Variants in RALYL observed in about 807,000 individuals in gnomAD.
The protein encoded by RALYL is RALY RNA binding protein like, also known as RNA-binding Raly-like protein.
RALYL carries 29 observed loss-of-function variants against 35.1 expected under a neutral mutation model. That is an observed-to-expected ratio of 0.83 (90% CI 0.61 to 1.13). The LOEUF is 1.13. Ranked by LOEUF, RALYL falls within the 50% of genes most tolerant of loss-of-function variation. The pLI is 0.00. For missense variants in RALYL, 359 were observed against 360.4 expected (o/e 1.00, Z 0.03); for synonymous variants, 120 against 127.6 (o/e 0.94, Z 0.40).
intron 1 of RALYL, among the ~76,000 whole-genome samples, chr8:84,515,701 C>A (rs1201650654): frequency 6.6e-6 from 1 of 151,138 alleles, no homozygotes; most frequent in Non-Finnish European, 1.5e-5. Flanking sequence ...ATGTATAGTA[C>A]AAAAAAAATT....
At chr8:84,372,895 T>TTTG (rs1484872815) in intron 1 of RALYL, among the ~76,000 whole-genome samples, 2 of 125,950 alleles carry the variant, frequency 1.6e-5, no homozygotes, top group African/African-American at 6.1e-5. Context: ...TGTTTTTTTT[T>TTTG]TTTTTTTTTT....
intron 2 of RALYL, among the ~76,000 whole-genome samples, chr8:84,736,862 C>T (rs1847401796): frequency 6.6e-6 from 1 of 151,970 alleles, no homozygotes. Context: ...ACCCCTTCAC[C>T]TATTCCTAGT....
intron 1 of RALYL, among the ~76,000 whole-genome samples, chr8:84,292,796 A>G (rs1284192409): frequency 1.3e-5 from 2 of 152,334 alleles, no homozygotes; most frequent in Middle Eastern, 3.4e-3. Flanking sequence ...ATAAATAACC[A>G]TAAAAATGGG....
intron 1 of RALYL, among the ~76,000 whole-genome samples, chr8:84,390,837 T>C (rs975349534): frequency 6.6e-6 from 1 of 151,962 alleles, no homozygotes; most frequent in Non-Finnish European, 1.5e-5. Context: ...CCCAGTCCAC[T>C]GTCTCCTCTC....
rs556624140 is a variant in RALYL, at chr8:84,569,270, A to G, written c.256+39693A>G. Among the ~76,000 whole-genome samples the G allele has an allele frequency of 2.0e-5, 3 of 152,094 alleles. No homozygotes were observed. The South Asian group carries it at 6.2e-4, about 32-fold the overall frequency. Reference sequence around the variant, plus strand: ...CAGTTTCAGCTTTCTACATATGGCTAGCCAGTTTTCCCAGCACCATTTATT... The same window carrying G: ...CAGTTTCAGCTTTCTACATATGGCTGGCCAGTTTTCCCAGCACCATTTATT... On this transcript the variant is annotated intron_variant, in intron 2 of 8. Transcript: ENST00000521268.
chr8:84,470,106 C>T (rs956245040), intron 1 of RALYL, among the ~76,000 whole-genome samples: 6 of 152,180 alleles, frequency 3.9e-5, no homozygotes, highest in Admixed American at 2.0e-4. Flanking sequence ...TCTTCTGCGT[C>T]GCTCACGCTG....
chr8:84,733,437 C>T (rs193192298), intron 2 of RALYL, among the ~76,000 whole-genome samples: 1 of 152,202 alleles, frequency 6.6e-6, no homozygotes, highest in Non-Finnish European at 1.5e-5. Flanking sequence ...ATCCATCTAC[C>T]TCATCAAGGA....
chr8:84,193,779 C>T (rs974825549), intron 1 of RALYL, among the ~76,000 whole-genome samples: 5 of 152,164 alleles, frequency 3.3e-5, no homozygotes, highest in Admixed American at 6.5e-5. Flanking sequence ...TCTAGGAACA[C>T]TTAGCCTGTA....
At chr8:84,305,767 C>T (rs1371758975) in intron 1 of RALYL, among the ~76,000 whole-genome samples, 2 of 152,130 alleles carry the variant, frequency 1.3e-5, no homozygotes, top group African/African-American at 2.4e-5. Flanking sequence ...GTTGCATAGT[C>T]TCCGCTACTG....
intron 2 of RALYL, among the ~76,000 whole-genome samples, chr8:84,649,642 C>T (rs944142195): frequency 2.0e-5 from 3 of 151,922 alleles, no homozygotes; most frequent in African/African-American, 7.3e-5. Flanking sequence ...TGATCTATAT[C>T]TCTGTTTTGG....
chr8:84,370,152 G>C lies in RALYL; in HGVS notation c.-23-159147G>C, dbSNP rs367737098. On this transcript the variant is annotated intron_variant, in intron 1 of 8. Coordinates refer to ENST00000521268, the MANE Select transcript of RALYL (RefSeq NM_173848.7). ...GGGCAGGTATACAATTTTTGTTCTA[G>C]GATGTATTAAAATAACCAGTATTTC... Among the ~76,000 whole-genome samples, 23 of 152,078 alleles carry C rather than the reference G, an allele frequency of 1.5e-4. No homozygotes were observed. In the South Asian group the frequency reaches 3.3e-3, roughly 22 times the overall value.
At chr8:84,744,949 A>G (rs1397724750) in intron 2 of RALYL, among the ~76,000 whole-genome samples, 1 of 152,002 alleles carries the variant, frequency 6.6e-6, no homozygotes, top group East Asian at 1.9e-4. Context: ...TAAATAGCAT[A>G]AATTTTCAGT....
chr8:84,571,688 T>G (rs2135792460), intron 2 of RALYL, among the ~76,000 whole-genome samples: 1 of 151,986 alleles, frequency 6.6e-6, no homozygotes, highest in Middle Eastern at 3.4e-3. Context: ...TTCCAGTTTC[T>G]TAAGGTGTGA....
intron 1 of RALYL, among the ~76,000 whole-genome samples, chr8:84,335,680 T>G (rs2130787925): frequency 6.6e-6 from 1 of 151,518 alleles, no homozygotes; most frequent in Middle Eastern, 3.4e-3. Context: ...AAGAGTGGTT[T>G]AATATTTCTA....
chr8:84,732,286 G>T (rs1389219901), intron 2 of RALYL, among the ~76,000 whole-genome samples: 1 of 152,064 alleles, frequency 6.6e-6, no homozygotes, highest in Non-Finnish European at 1.5e-5. Context: ...TTTGTTGAAT[G>T]AACCATGAAT....
At chr8:84,600,044 CG>C (rs1815553852) in intron 2 of RALYL, among the ~76,000 whole-genome samples, 1 of 151,346 alleles carries the variant, frequency 6.6e-6, no homozygotes, top group Non-Finnish European at 1.5e-5. Context: ...CCAGACTGAT[CG>C]GTAATATCCT....
intron 1 of RALYL, among the ~76,000 whole-genome samples, chr8:84,400,427 C>T (rs1187266841): frequency 2.0e-5 from 3 of 152,038 alleles, no homozygotes; most frequent in Non-Finnish European, 4.4e-5. Context: ...TCAGCCTGTG[C>T]TGGAATTGCA....
chr8:84,335,250 A>G (rs1847560871), intron 1 of RALYL, among the ~76,000 whole-genome samples: 1 of 152,054 alleles, frequency 6.6e-6, no homozygotes, highest in Non-Finnish European at 1.5e-5. Flanking sequence ...CTCTTACGAC[A>G]TATTCTCAGC....
chr8:84,571,059 G>A (rs1807851462), intron 2 of RALYL, among the ~76,000 whole-genome samples: 1 of 151,466 alleles, frequency 6.6e-6, no homozygotes, highest in Non-Finnish European at 1.5e-5. Flanking sequence ...GTATTTTGTT[G>A]AGGAGTTTTG....
Sources: allele counts gnomAD v4.1 joint callset (sites outside exome capture counted in the v4.1 genomes callset), GRCh38; gene constraint gnomAD v4.1.1; transcripts MANE v1.5; gene names NCBI Gene and HGNC (gene_info 2026-07-23, HGNC 2026-07-21).